SERGEF: variants seen among roughly 807,000 people sequenced by gnomAD.
SERGEF encodes the protein secretion regulating guanine nucleotide exchange factor.
SERGEF carries 51 observed loss-of-function variants against 50.0 expected under a neutral mutation model. That is an observed-to-expected ratio of 1.02 (90% CI 0.81 to 1.29). The LOEUF is 1.29. Among genes scored for constraint, SERGEF ranks in the 50% most tolerant of loss-of-function variants. The probability of loss-of-function intolerance (pLI) is 0.00; values close to 1 mark genes in which losing one functional copy is unlikely to be tolerated. For missense variants in SERGEF, 521 were observed against 557.0 expected (o/e 0.94, Z 0.65); for synonymous variants, 205 against 212.4 (o/e 0.97, Z 0.30).
At position 17,834,319 on chromosome 11, in the gene SERGEF, G is replaced by T. The variant is rs368092794; in HGVS notation, c.1048+43889C>A. On this transcript the variant is annotated intron_variant, in intron 10 of 10. Coordinates refer to ENST00000265965, the MANE Select transcript of SERGEF (RefSeq NM_012139.4). ...CCTTGCCTTCCATCATGATTGTGAG[G>T]CTTCCTCAGTCACATGAAACTGTTA... 2.8e-4 allele frequency among the ~76,000 whole-genome samples: 42 copies of T among 152,258 alleles called. No homozygotes were observed. The East Asian group carries it at 7.3e-3, about 27-fold the overall frequency.
chr11:17,897,613 G>A (rs1043875634), intron 9 of SERGEF, among the ~76,000 whole-genome samples: 4 of 152,192 alleles, frequency 2.6e-5, no homozygotes, highest in Non-Finnish European at 4.4e-5. Flanking sequence ...ACTGTGCCGA[G>A]TGAAAGAAGC....
intron 9 of SERGEF, among the ~76,000 whole-genome samples, chr11:17,957,293 G>T (rs921780742): frequency 6.6e-6 from 1 of 152,226 alleles, no homozygotes; most frequent in Non-Finnish European, 1.5e-5. Context: ...ACGGTAAGAA[G>T]AGAATGGAAT....
chr11:17,918,392 T>C (rs1184961849), intron 9 of SERGEF, among the ~76,000 whole-genome samples: 1 of 152,156 alleles, frequency 6.6e-6, no homozygotes, highest in Non-Finnish European at 1.5e-5. Context: ...CCCTGCAGGG[T>C]CAATACATCT....
chr11:17,859,744 A>G (rs1850892001), intron 10 of SERGEF, among the ~76,000 whole-genome samples: 1 of 152,234 alleles, frequency 6.6e-6, no homozygotes, highest in Non-Finnish European at 1.5e-5. Context: ...AGACTTCTCA[A>G]TAGTAACATT....
intron 9 of SERGEF, among the ~76,000 whole-genome samples, chr11:17,951,677 A>G (rs1413215691): frequency 6.6e-6 from 1 of 152,242 alleles, no homozygotes; most frequent in African/African-American, 2.4e-5. Flanking sequence ...AGAACTGTCC[A>G]GAGAAGAAGC....
intron 9 of SERGEF, among the ~76,000 whole-genome samples, chr11:17,894,927 C>A (rs1851593284): frequency 6.6e-6 from 1 of 152,214 alleles, no homozygotes; most frequent in African/African-American, 2.4e-5. Flanking sequence ...GAAAAGTTCC[C>A]TGGGTGATGC....
At chr11:17,800,023 GTCTT>G (rs1486866433) in intron 10 of SERGEF, among the ~76,000 whole-genome samples, 1 of 152,026 alleles carries the variant, frequency 6.6e-6, no homozygotes, top group Non-Finnish European at 1.5e-5. Flanking sequence ...AGGGAAGAGA[GTCTT>G]TCTCTTATTT....
At chr11:17,790,598 C>T (rs146528620) in intron 10 of SERGEF, among the ~76,000 whole-genome samples, 5 of 152,186 alleles carry the variant, frequency 3.3e-5, no homozygotes, top group Non-Finnish European at 5.9e-5. Flanking sequence ...CTATTATAGA[C>T]AGTATTGCAA....
chr11:17,791,691 C>T (rs1056913649), intron 10 of SERGEF, among the ~76,000 whole-genome samples: 5 of 152,234 alleles, frequency 3.3e-5, no homozygotes, highest in African/African-American at 1.2e-4. Flanking sequence ...TGTGCCGCTT[C>T]AAGCAAGTTA....
intron 10 of SERGEF, among the ~76,000 whole-genome samples, chr11:17,864,059 T>C (rs76729504): frequency 0.025 from 3,811 of 152,350 alleles, 70 homozygotes; most frequent in Non-Finnish European, 0.042. Context: ...TAACTCTAGT[T>C]ATGGTGCACA....
chr11:17,999,589 G>T, intron 5 of SERGEF: 1 of 456,222 alleles, frequency 2.2e-6, no homozygotes, highest in Non-Finnish European at 4.4e-6. Flanking sequence ...TTCAAAAGGA[G>T]TAAGAGCAGA....
At chr11:17,902,164 G>A (rs1289117072) in intron 9 of SERGEF, among the ~76,000 whole-genome samples, 1 of 149,218 alleles carries the variant, frequency 6.7e-6, no homozygotes, top group Non-Finnish European at 1.5e-5. Context: ...GGGAACAAAT[G>A]AGTAAACATG....
At chr11:17,895,708 A>G (rs1041390037) in intron 9 of SERGEF, among the ~76,000 whole-genome samples, 3 of 152,234 alleles carry the variant, frequency 2.0e-5, no homozygotes, top group African/African-American at 7.2e-5. Flanking sequence ...ATATACACTT[A>G]TTGCAAAGAA....
chr11:17,803,390 G>C (rs1186654939), intron 10 of SERGEF, among the ~76,000 whole-genome samples: 1 of 152,200 alleles, frequency 6.6e-6, no homozygotes, highest in Non-Finnish European at 1.5e-5. Flanking sequence ...AGCCAGCTGG[G>C]CAGTATATAT....
chr11:17,908,994 G>T (rs895382549), intron 9 of SERGEF, among the ~76,000 whole-genome samples: 4 of 152,164 alleles, frequency 2.6e-5, no homozygotes, highest in Admixed American at 6.5e-5. Context: ...AAGCAGCAGA[G>T]AAATTAATAA....
chr11:17,973,894 C>T (rs755322319), intron 8 of SERGEF, among the ~76,000 whole-genome samples: 17 of 152,050 alleles, frequency 1.1e-4, no homozygotes, highest in Admixed American at 2.6e-4. Context: ...TGAGCATCAC[C>T]GAAGGAGGCC....
intron 2 of SERGEF, among the ~76,000 whole-genome samples, chr11:18,007,725 TGGGGGAAAG>T (rs1174420499): frequency 7.4e-5 from 5 of 67,384 alleles, no homozygotes; most frequent in South Asian, 4.8e-4. Context: ...ATGGAGGGGG[TGGGGGAAAG>T]GGGTGGCCTA....
At chr11:17,935,886 G>T (rs759364234) in intron 9 of SERGEF, among the ~76,000 whole-genome samples, 3 of 152,188 alleles carry the variant, frequency 2.0e-5, no homozygotes, top group Non-Finnish European at 4.4e-5. Flanking sequence ...ATAAAGCAAA[G>T]TGGGGAGATG....
chr11:17,806,995 A>G (rs1342844973), intron 10 of SERGEF, among the ~76,000 whole-genome samples: 1 of 151,594 alleles, frequency 6.6e-6, no homozygotes, highest in Non-Finnish European at 1.5e-5. Flanking sequence ...CTGATGCCGC[A>G]TCTCTCCCCC....
Sources: gnomAD v4.1 joint callset for allele counts (sites outside exome capture counted in the v4.1 genomes callset) on GRCh38, gnomAD v4.1.1 for gene constraint, MANE v1.5 for transcripts, NCBI Gene and HGNC (gene_info 2026-07-23, HGNC 2026-07-21) for gene names.